IMMP2L: variants seen among roughly 807,000 people sequenced by gnomAD.
IMMP2L encodes the protein mitochondrial inner membrane protease subunit 2.
A neutral mutation model predicts 19.3 loss-of-function variants in IMMP2L; 18 were observed. That is an observed-to-expected ratio of 0.93 (90% CI 0.64 to 1.38). The LOEUF (loss-of-function observed/expected upper bound fraction) is 1.38. Among genes scored for constraint, IMMP2L ranks in the 40% most tolerant of loss-of-function variants. The probability of loss-of-function intolerance (pLI) is 0.00; values close to 1 mark genes in which losing one functional copy is unlikely to be tolerated. For missense variants in IMMP2L, 233 were observed against 218.2 expected (o/e 1.07, Z -0.43); for synonymous variants, 76 against 73.0 (o/e 1.04, Z -0.21).
intron 3 of IMMP2L, among the ~76,000 whole-genome samples, chr7:111,417,463 A>G (rs1835061896): frequency 1.3e-5 from 2 of 151,758 alleles, no homozygotes; most frequent in South Asian, 4.2e-4. Flanking sequence ...TAATTAGTTT[A>G]CCATCTGTTC....
In IMMP2L at chr7:111,002,117, T is replaced by G. The variant is rs565228625; in HGVS notation, c.240-38552A>C. 4.9e-4 allele frequency among the ~76,000 whole-genome samples: 74 copies of G among 151,704 alleles called. No homozygotes were observed. The South Asian group carries it at 5.2e-3, about 11-fold the overall frequency. On this transcript the variant is annotated intron_variant, in intron 3 of 5. Transcript: ENST00000405709. The stretch of plus-strand genomic sequence containing the variant: ...ACTGAACTTCCTGATACTATGAGAG[T>G]CAAGTGCAGGGAGTACAAATGAAGA...
chr7:110,924,086 GA>G lies in IMMP2L; in HGVS notation c.306-37392del, dbSNP rs776796762. On this transcript the variant is annotated intron_variant, in intron 4 of 5. Transcript: ENST00000405709. The surrounding 1 kb of genome is among the most constrained non-coding windows in gnomAD (Gnocchi z 4.2). The stretch of plus-strand genomic sequence containing the variant: ...CAAAGGAATGATTCCCATGATTATT[GA>G]AAAGTCTGACTTCTACCTAAAATGC... Among the ~76,000 whole-genome samples, 2 of 152,138 alleles carry G rather than the reference GA, an allele frequency of 1.3e-5. No individual in the cohort carries two copies. The highest frequency in any genetic ancestry group is 2.9e-5 in the Non-Finnish European group (2 of 68,022).
At chr7:111,009,623 A>G (rs1223493567) in intron 3 of IMMP2L, among the ~76,000 whole-genome samples, 3 of 152,090 alleles carry the variant, frequency 2.0e-5, no homozygotes, top group Non-Finnish European at 4.4e-5. Context: ...CTGAAAATGT[A>G]TATGTTATAT....
chr7:111,239,130 T>G (rs1391436725), intron 3 of IMMP2L, among the ~76,000 whole-genome samples: 1 of 151,914 alleles, frequency 6.6e-6, no homozygotes. Context: ...CTGAACTAAT[T>G]CCAGGTCTCT....
chr7:111,287,045 T>C (rs1820565965), intron 3 of IMMP2L, among the ~76,000 whole-genome samples: 7 of 152,206 alleles, frequency 4.6e-5, no homozygotes, highest in Admixed American at 4.6e-4. Flanking sequence ...GTTGTTACTA[T>C]GAACCATAAA....
chr7:110,750,528 C>G (rs1797654457), intron 5 of IMMP2L, among the ~76,000 whole-genome samples: 1 of 151,880 alleles, frequency 6.6e-6, no homozygotes, highest in South Asian at 2.1e-4. Context: ...GCCTTTACTC[C>G]TTATTTCAAA....
intron 3 of IMMP2L, among the ~76,000 whole-genome samples, chr7:111,274,518 T>C (rs1227029426): frequency 1.3e-5 from 2 of 152,162 alleles, no homozygotes; most frequent in Non-Finnish European, 2.9e-5. Context: ...ATTGTTAGAT[T>C]CATTTACAGT....
intron 1 of IMMP2L, among the ~76,000 whole-genome samples, chr7:111,534,091 C>T (rs554720983): frequency 8.5e-5 from 13 of 152,104 alleles, no homozygotes; most frequent in Non-Finnish European, 1.9e-4. Flanking sequence ...CAAAGTACTA[C>T]TTTAGTCTAT....
intron 3 of IMMP2L, among the ~76,000 whole-genome samples, chr7:111,269,645 T>C (rs911682913): frequency 9.2e-5 from 14 of 151,838 alleles, no homozygotes; most frequent in South Asian, 2.1e-4. Flanking sequence ...TATTACAGTT[T>C]TTTTTAAAAA....
intron 3 of IMMP2L, among the ~76,000 whole-genome samples, chr7:111,275,518 T>C (rs1487827904): frequency 6.6e-6 from 1 of 152,130 alleles, no homozygotes; most frequent in Non-Finnish European, 1.5e-5. Context: ...GAAAATGTAA[T>C]AATACAAAAT....
intron 3 of IMMP2L, among the ~76,000 whole-genome samples, chr7:111,237,642 C>T (rs757037842): frequency 4.6e-5 from 7 of 151,188 alleles, no homozygotes; most frequent in Non-Finnish European, 1.0e-4. Context: ...TAATATTTAC[C>T]TATAATCATA....
intron 5 of IMMP2L, among the ~76,000 whole-genome samples, chr7:110,725,314 T>A (rs1421144365): frequency 6.6e-6 from 1 of 152,184 alleles, no homozygotes; most frequent in Non-Finnish European, 1.5e-5. Context: ...AATATTTTGC[T>A]TTTTACTTAA....
At chr7:110,715,854 G>C (rs1795202567) in intron 5 of IMMP2L, among the ~76,000 whole-genome samples, 1 of 152,018 alleles carries the variant, frequency 6.6e-6, no homozygotes, top group Non-Finnish European at 1.5e-5. Flanking sequence ...TACTGTCAAT[G>C]GGATGTTAAA....
chr7:110,904,922 C>A (rs527743465), intron 4 of IMMP2L, among the ~76,000 whole-genome samples: 2 of 152,198 alleles, frequency 1.3e-5, no homozygotes, highest in South Asian at 4.1e-4. Context: ...CCTGTTTCAC[C>A]CTTATCAAAA....
chr7:111,424,309 AAGAGAATGAGGG>A (rs1835868698), intron 3 of IMMP2L, among the ~76,000 whole-genome samples: 1 of 151,734 alleles, frequency 6.6e-6, no homozygotes, highest in Admixed American at 6.6e-5. Flanking sequence ...GAGAAGGAAG[AAGAGAATGAGGG>A]AGAGAAGGAA....
At chr7:110,832,791 G>C (rs563423449) in intron 5 of IMMP2L, among the ~76,000 whole-genome samples, 1 of 152,102 alleles carries the variant, frequency 6.6e-6, no homozygotes, top group Non-Finnish European at 1.5e-5. Flanking sequence ...AATGCAGAGG[G>C]AGAATTCAGG....
At position 110,882,074 on chromosome 7, in the gene IMMP2L, A is replaced by T. The variant is rs535677845; in HGVS notation, c.408+4519T>A. On this transcript the variant is annotated intron_variant, in intron 5 of 5. Transcript: ENST00000405709. Reference sequence around the variant, plus strand: ...ATCCTTCCTTGAGAGTGGGGATTAGACCCTAGTACTGGTAGCATCTATTGA... The same window carrying T: ...ATCCTTCCTTGAGAGTGGGGATTAGTCCCTAGTACTGGTAGCATCTATTGA... Among the ~76,000 whole-genome samples the T allele has an allele frequency of 1.2e-4, 18 of 151,944 alleles. No homozygotes were observed. In the South Asian group the frequency reaches 3.3e-3, roughly 28 times the overall value.
intron 1 of IMMP2L, among the ~76,000 whole-genome samples, chr7:111,539,210 GAAA>G (rs1848255656): frequency 1.2e-4 from 8 of 67,982 alleles, no homozygotes; most frequent in African/African-American, 4.9e-4. Flanking sequence ...AAGAAAGAAA[GAAA>G]GAAAGAAAGA....
chr7:111,500,490 G>T (rs1221345270), intron 2 of IMMP2L, among the ~76,000 whole-genome samples: 1 of 152,186 alleles, frequency 6.6e-6, no homozygotes, highest in Non-Finnish European at 1.5e-5. Flanking sequence ...GGAGATCTGA[G>T]AAAGGGCAGA....
Sources: gnomAD v4.1 joint callset for allele counts (sites outside exome capture counted in the v4.1 genomes callset) on GRCh38, gnomAD v4.1.1 for gene constraint, Gnocchi (gnomAD v3.1) non-coding constraint, MANE v1.5 for transcripts, NCBI Gene and HGNC (gene_info 2026-07-23, HGNC 2026-07-21) for gene names.